The following EYS variants were observed in gnomAD, a reference collection of about 807,000 sequenced individuals.
EYS encodes protein eyes shut homolog.
In EYS, 250 loss-of-function variants were observed where a neutral mutation model predicts 282.1. The ratio of observed to expected loss-of-function variants is 0.89; its 90% CI spans 0.80 to 0.98. The LOEUF (loss-of-function observed/expected upper bound fraction) is 0.98, where lower values mean the gene tolerates loss of function less well. EYS is among the 50% of genes least tolerant of loss of function. The pLI, the probability that EYS is intolerant of heterozygous loss-of-function variation, is 0.00. For missense variants in EYS, 4,016 were observed against 3,709.0 expected, an observed-to-expected ratio of 1.08 and a Z score of -2.15; for synonymous variants, 1,355 against 1,282.9, an observed-to-expected ratio of 1.06 and a Z score of -1.20.
chr6:64,886,992 G>C, intron 18 of EYS, 150 bp from the exon 19 acceptor site: 3 of 610,496 alleles, frequency 4.9e-6, no homozygotes, highest in Non-Finnish European at 7.7e-6. Flanking sequence ...AAAAAATATA[G>C]CAATTCTCCT....
intron 26 of EYS, among the ~76,000 whole-genome samples, chr6:64,541,331 T>C (rs944955009): frequency 6.6e-6 from 1 of 152,192 alleles, no homozygotes; most frequent in African/African-American, 2.4e-5. Context: ...TCTGTTTTCA[T>C]TATTCCTATT....
At chr6:65,066,113 C>T (rs139650976) in intron 12 of EYS, among the ~76,000 whole-genome samples, 55 of 152,268 alleles carry the variant, frequency 3.6e-4, no homozygotes, top group Non-Finnish European at 5.7e-4. Flanking sequence ...AGCATCTGAG[C>T]CTGGCCAAGC....
chr6:63,727,836 A>C (rs1582147626), intron 41 of EYS, among the ~76,000 whole-genome samples: 1 of 12,582 alleles, frequency 7.9e-5, no homozygotes, highest in Non-Finnish European at 1.7e-4. Context: ...TGGGAGGTGG[A>C]GGTGGGGGTG....
chr6:65,570,023 A>G (rs559439079), intron 2 of EYS, among the ~76,000 whole-genome samples: 57 of 152,270 alleles, frequency 3.7e-4, no homozygotes, highest in African/African-American at 1.3e-3. Flanking sequence ...GGAGTCAGCC[A>G]TGAAAGAAAG....
chr6:64,966,494 C>T (rs1041854576), intron 14 of EYS, among the ~76,000 whole-genome samples: 1 of 152,080 alleles, frequency 6.6e-6, no homozygotes, highest in African/African-American at 2.4e-5. Flanking sequence ...CAAATATCTG[C>T]TTCTCTTTAT....
intron 12 of EYS, among the ~76,000 whole-genome samples, chr6:65,063,521 AG>A (rs1301546661): frequency 2.0e-5 from 3 of 152,060 alleles, no homozygotes; most frequent in Admixed American, 6.6e-5. Flanking sequence ...TTTCAAATCA[AG>A]TCAGAGCAGT....
chr6:65,580,225 G>A (rs1289549154), intron 2 of EYS, among the ~76,000 whole-genome samples: 1 of 152,070 alleles, frequency 6.6e-6, no homozygotes, highest in Admixed American at 6.6e-5. Flanking sequence ...CAAAAGTGGA[G>A]TGTATTTAGT....
chr6:64,577,916 C>T (rs1765935457), intron 26 of EYS, among the ~76,000 whole-genome samples: 1 of 152,102 alleles, frequency 6.6e-6, no homozygotes, highest in African/African-American at 2.4e-5. Context: ...TAAGATGCTT[C>T]TCTCTGCTTC....
intron 12 of EYS, among the ~76,000 whole-genome samples, chr6:65,065,878 C>G (rs1773730097): frequency 6.6e-6 from 1 of 152,162 alleles, no homozygotes; most frequent in Non-Finnish European, 1.5e-5. Flanking sequence ...TATGGTTTTC[C>G]TATGGTCCTT....
chr6:64,781,811 G>A (rs1402473673), intron 22 of EYS, among the ~76,000 whole-genome samples: 1 of 152,160 alleles, frequency 6.6e-6, no homozygotes, highest in Admixed American at 6.5e-5. Context: ...ATCAGGGAAT[G>A]TGTGCAAAAA....
At chr6:64,682,240 C>T (rs1348361538) in intron 22 of EYS, among the ~76,000 whole-genome samples, 1 of 151,980 alleles carries the variant, frequency 6.6e-6, no homozygotes, top group Admixed American at 6.6e-5. Flanking sequence ...TGGTGGCGGG[C>T]GCCTGTAGTC....
chr6:63,846,557 A>G (rs1772102801), intron 36 of EYS, among the ~76,000 whole-genome samples: 1 of 152,250 alleles, frequency 6.6e-6, no homozygotes, highest in African/African-American at 2.4e-5. Context: ...CTGAATCACT[A>G]GGTGCAATAT....
At chr6:65,006,736 G>C (rs1008734137) in intron 13 of EYS, among the ~76,000 whole-genome samples, 1 of 152,064 alleles carries the variant, frequency 6.6e-6, no homozygotes, top group African/African-American at 2.4e-5. Flanking sequence ...GGTGATTGAG[G>C]AAAAAACCAC....
chr6:65,024,412 G>A (rs1355357600), intron 13 of EYS, among the ~76,000 whole-genome samples: 1 of 152,210 alleles, frequency 6.6e-6, no homozygotes, highest in East Asian at 1.9e-4. Context: ...CCCTGAGGAA[G>A]TGGAGATGCA....
At chr6:64,362,797 T>A (rs1170928540) in intron 29 of EYS, among the ~76,000 whole-genome samples, 1 of 151,782 alleles carries the variant, frequency 6.6e-6, no homozygotes, top group Non-Finnish European at 1.5e-5. Flanking sequence ...TCAACAGTAG[T>A]GTCACAAGTT....
intron 13 of EYS, among the ~76,000 whole-genome samples, chr6:65,055,408 C>A (rs1211722266): frequency 1.3e-5 from 2 of 152,014 alleles, no homozygotes; most frequent in Non-Finnish European, 2.9e-5. Flanking sequence ...CCTGTATACT[C>A]CATAACAAGT....
intron 12 of EYS, among the ~76,000 whole-genome samples, chr6:65,261,607 G>C (rs181031887): frequency 6.6e-6 from 1 of 151,970 alleles, no homozygotes; most frequent in East Asian, 1.9e-4. Context: ...ACTATGTATA[G>C]ATAAAAAATA....
intron 29 of EYS, among the ~76,000 whole-genome samples, chr6:64,346,713 T>C (rs1561943327): frequency 6.6e-6 from 1 of 151,014 alleles, no homozygotes; most frequent in Non-Finnish European, 1.5e-5. Context: ...AATAATAAAA[T>C]TAAACAAAAC....
intron 8 of EYS, among the ~76,000 whole-genome samples, chr6:65,357,211 A>G (rs1764519775): frequency 6.6e-6 from 1 of 151,996 alleles, no homozygotes; most frequent in African/African-American, 2.4e-5. Context: ...TTGTATATTT[A>G]CAAAAGCTTT....
Sources: gnomAD v4.1 joint callset for allele counts (sites outside exome capture counted in the v4.1 genomes callset) on GRCh38, gnomAD v4.1.1 for gene constraint, MANE v1.5 for transcripts, NCBI Gene and HGNC (gene_info 2026-07-23, HGNC 2026-07-21) for gene names.